ZMYM2: variants seen among roughly 807,000 people sequenced by gnomAD.
ZMYM2 encodes the protein zinc finger MYM-type protein 2.
In ZMYM2, 56 loss-of-function variants were observed where a neutral mutation model predicts 162.8. The observed-to-expected ratio is 0.34, with a 90% CI of 0.28 to 0.43. The LOEUF (loss-of-function observed/expected upper bound fraction) is 0.43, where lower values mean the gene tolerates loss of function less well. ZMYM2 is among the 20% of genes least tolerant of loss of function. ZMYM2 has a pLI of 1.00. For synonymous variants in ZMYM2, 510 were observed against 541.6 expected (o/e 0.94, Z 0.81); for missense variants, 1,275 against 1,621.8 (o/e 0.79, Z 3.67).
chr13:19,883,529 ATTAT>A, the ZMYM2 span, among the ~76,000 whole-genome samples: 14,946 of 152,204 alleles, frequency 0.098, 853 homozygotes, highest in African/African-American at 0.16. Flanking sequence ...TTGTGAGATG[ATTAT>A]TTAATTGCCC....
chr13:19,910,003 C>T, the ZMYM2 span, among the ~76,000 whole-genome samples: 1 of 150,652 alleles, frequency 6.6e-6, no homozygotes. Flanking sequence ...ATCACGAGGT[C>T]AGGAGATCGA....
At chr13:19,984,137 GCTTT>G (rs975115145) in intron 2 of ZMYM2, among the ~76,000 whole-genome samples, 1 of 152,154 alleles carries the variant, frequency 6.6e-6, no homozygotes, top group African/African-American at 2.4e-5. Context: ...ACTTTGAAGT[GCTTT>G]CTTTGTGATT....
chr13:19,988,854 G>C (rs1949385801), intron 2 of ZMYM2, among the ~76,000 whole-genome samples: 1 of 152,122 alleles, frequency 6.6e-6, no homozygotes, highest in Non-Finnish European at 1.5e-5. Context: ...TGTGAAAAGT[G>C]CTTATTCTGC....
chr13:19,958,333 A>C (rs908227091), upstream of ZMYM2, among the ~76,000 whole-genome samples: 107 of 151,852 alleles, frequency 7.0e-4, no homozygotes, highest in African/African-American at 2.5e-3. Flanking sequence ...GGCTCGGGCG[A>C]GGGCAGGCGG....
chr13:19,954,599 A>G (rs956498244), upstream of ZMYM2, among the ~76,000 whole-genome samples: 3 of 152,188 alleles, frequency 2.0e-5, no homozygotes, highest in Non-Finnish European at 4.4e-5. Flanking sequence ...TTTGGTTGCT[A>G]TAATACCAAA....
At chr13:20,026,551 G>A in intron 7 of ZMYM2, 61 bp from the exon 8 acceptor site, 1 of 1,494,108 alleles carries the variant, frequency 6.7e-7, no homozygotes, top group South Asian at 1.3e-5. Flanking sequence ...TGAAAAATTG[G>A]TAATTCTTTT....
the ZMYM2 span, among the ~76,000 whole-genome samples, chr13:19,884,180 A>C: frequency 2.6e-5 from 4 of 152,134 alleles, no homozygotes; most frequent in African/African-American, 4.8e-5. Context: ...ACAGCCAGGA[A>C]ACCATACCGA....
chr13:19,978,370 A>G (rs1046195075), intron 2 of ZMYM2, among the ~76,000 whole-genome samples: 1 of 151,802 alleles, frequency 6.6e-6, no homozygotes, highest in African/African-American at 2.4e-5. Context: ...CATAGATTAC[A>G]TCTGTATATA....
At chr13:19,898,340 C>G in the ZMYM2 span, among the ~76,000 whole-genome samples, 98,943 of 151,178 alleles carry the variant, frequency 0.65, 35,418 homozygotes, top group East Asian at 0.88. Context: ...TCACACCATT[C>G]TCCTGCCTCA....
intron 6 of ZMYM2, 144 bp downstream of exon 6, chr13:20,006,730 A>G: frequency 1.2e-6 from 1 of 864,332 alleles, no homozygotes; most frequent in Non-Finnish European, 1.8e-6. Flanking sequence ...CATGGAGCAT[A>G]CTGAATGCAT....
the ZMYM2 span, among the ~76,000 whole-genome samples, chr13:19,898,019 C>G: frequency 4.6e-5 from 7 of 152,124 alleles, no homozygotes; most frequent in African/African-American, 1.7e-4. Context: ...ACAGAACACT[C>G]TGCTCAACAA....
chr13:20,030,114 A>T (rs1405428433), intron 9 of ZMYM2, among the ~76,000 whole-genome samples: 4 of 151,250 alleles, frequency 2.6e-5, no homozygotes, highest in Non-Finnish European at 4.4e-5. Context: ...TTTTAACTTT[A>T]AAAAAAAAGG....
intron 9 of ZMYM2, among the ~76,000 whole-genome samples, chr13:20,029,623 G>A (rs538664403): frequency 5.3e-5 from 8 of 152,010 alleles, no homozygotes; most frequent in Non-Finnish European, 1.0e-4. Flanking sequence ...TTCTCCTTCC[G>A]CTGTACATTG....
chr13:20,031,399 T>A lies in ZMYM2; in HGVS notation c.1932T>A (p.Asn644Lys). The A allele has an allele frequency of 4.4e-6, 7 of 1,607,498 alleles. No individual in the cohort carries two copies. Among genetic ancestry groups the A allele is most frequent in the Non-Finnish European group, 5.9e-6 (7 of 1,177,830 alleles). Reference protein sequence around the residue: ...DIQLKCNYCKNSFCSKPEILE... With the variant: ...DIQLKCNYCKKSFCSKPEILE... ...AGTTGAAATGCAACTACTGCAAAAA[T>A]TCCTTTTGTTCAAAACCAGAAATCC... Residue 644 changes from asparagine (N) to lysine (K), a missense_variant, in exon 10 of 25, where the codon AAT (asparagine) becomes AAA (lysine). Asn to Lys is a moderately conservative substitution (Grantham distance 94, BLOSUM62 0). This residue lies in a region of ZMYM2 where 276 missense variants were observed against 311.8 expected (regional missense o/e 0.89). Transcript: ENST00000610343.
chr13:20,076,494 G>T (rs1957513015), intron 21 of ZMYM2, among the ~76,000 whole-genome samples: 1 of 150,164 alleles, frequency 6.7e-6, no homozygotes, highest in African/African-American at 2.5e-5. Flanking sequence ...TGTGTTTATT[G>T]ACCATTTGCT....
the ZMYM2 span, among the ~76,000 whole-genome samples, chr13:19,922,309 G>A: frequency 2.6e-5 from 4 of 152,262 alleles, no homozygotes; most frequent in East Asian, 7.7e-4. Flanking sequence ...AAATAACATT[G>A]ATTAATGATT....
chr13:20,063,610 G>A lies in ZMYM2; in HGVS notation c.3037+639G>A, dbSNP rs566672825. Among the ~76,000 whole-genome samples the A allele has an allele frequency of 2.3e-3, 339 of 149,048 alleles. 13 individuals carry two copies. In the East Asian group the frequency reaches 0.064, roughly 28 times the overall value. ...AGCCTGGCCAACGTCGTGAAACCCC[G>A]TCTCTACTGAAAATACAAAAATTAG... On this transcript the variant is annotated intron_variant, in intron 18 of 24. Coordinates refer to ENST00000610343, the MANE Select transcript of ZMYM2 (RefSeq NM_197968.4).
chr13:19,948,161 T>C, the ZMYM2 span, among the ~76,000 whole-genome samples: 1 of 152,176 alleles, frequency 6.6e-6, no homozygotes, highest in Non-Finnish European at 1.5e-5. Flanking sequence ...GGTGGGAATG[T>C]AAAATTCCAC....
At chr13:19,938,677 T>C in the ZMYM2 span, among the ~76,000 whole-genome samples, 2 of 151,570 alleles carry the variant, frequency 1.3e-5, no homozygotes, top group Admixed American at 1.3e-4. Context: ...AAATGCCACA[T>C]GAAGAAACTG....
Sources: gnomAD v4.1 joint callset for allele counts (sites outside exome capture counted in the v4.1 genomes callset) on GRCh38, gnomAD v4.1.1 for gene constraint, gnomAD v4.1.1 regional missense constraint, MANE v1.5 for transcripts, NCBI Gene and HGNC (gene_info 2026-07-23, HGNC 2026-07-21) for gene names.